PTPRT: variants seen among roughly 807,000 people sequenced by gnomAD.
The protein encoded by PTPRT is protein tyrosine phosphatase receptor type T, also known as receptor-type tyrosine-protein phosphatase T.
Under a neutral mutation model 176.8 loss-of-function variants are expected in PTPRT, and 56 were observed. The ratio of observed to expected loss-of-function variants is 0.32; its 90% CI spans 0.26 to 0.40. The LOEUF is 0.40. Ranked by LOEUF, PTPRT falls within the 10% of genes least tolerant of loss-of-function variation. The probability of loss-of-function intolerance (pLI) is 1.00; values close to 1 mark genes in which losing one functional copy is unlikely to be tolerated. For synonymous variants in PTPRT, 783 were observed against 739.0 expected, an observed-to-expected ratio of 1.06 and a Z score of -0.96; for missense variants, 1,540 against 1,908.2, an observed-to-expected ratio of 0.81 and a Z score of 3.60.
intron 2 of PTPRT, among the ~76,000 whole-genome samples, chr20:42,816,842 T>A (rs2077795210): frequency 6.6e-6 from 1 of 152,120 alleles, no homozygotes; most frequent in African/African-American, 2.4e-5. Flanking sequence ...AATGAGCTAA[T>A]ACACTAACCA....
At chr20:43,188,722 C>T (rs2015456338) in intron 1 of PTPRT, among the ~76,000 whole-genome samples, 1 of 146,022 alleles carries the variant, frequency 6.8e-6, no homozygotes, top group Non-Finnish European at 1.5e-5. Context: ...CTGCAGCACT[C>T]CCTTCTCTTC....
chr20:42,394,260 G>A (rs1297370934), intron 9 of PTPRT, among the ~76,000 whole-genome samples: 2 of 151,980 alleles, frequency 1.3e-5, no homozygotes, highest in Admixed American at 6.6e-5. Flanking sequence ...CCATCTCAAG[G>A]TTTATTCCAC....
At chr20:42,052,482 C>G in the PTPRT span, among the ~76,000 whole-genome samples, 1 of 152,192 alleles carries the variant, frequency 6.6e-6, no homozygotes, top group Non-Finnish European at 1.5e-5. Context: ...GTGGCCCCCC[C>G]ACACCCCGCA....
intron 1 of PTPRT, among the ~76,000 whole-genome samples, chr20:43,132,564 A>G (rs2013676686): frequency 6.6e-6 from 1 of 152,196 alleles, no homozygotes; most frequent in African/African-American, 2.4e-5. Flanking sequence ...AACCTTGACA[A>G]TATGACTCCA....
chr20:42,579,795 C>T (rs1029159279), intron 7 of PTPRT, among the ~76,000 whole-genome samples: 5 of 152,022 alleles, frequency 3.3e-5, no homozygotes, highest in Admixed American at 2.0e-4. Context: ...TGTAAATTCT[C>T]GATATTAGCC....
intron 8 of PTPRT, among the ~76,000 whole-genome samples, chr20:42,464,803 C>T (rs1342445665): frequency 8.6e-5 from 13 of 152,038 alleles, no homozygotes; most frequent in Admixed American, 7.9e-4. Context: ...TCCCTTTTCC[C>T]GGTTTTACAT....
chr20:42,170,046 C>A (rs1399322671), intron 16 of PTPRT, among the ~76,000 whole-genome samples: 2 of 152,172 alleles, frequency 1.3e-5, no homozygotes, highest in African/African-American at 4.8e-5. Flanking sequence ...CTAAGAAGGA[C>A]AATCCAGTGG....
chr20:42,739,976 C>T (rs1176832439), intron 6 of PTPRT, among the ~76,000 whole-genome samples: 1 of 152,198 alleles, frequency 6.6e-6, no homozygotes, highest in African/African-American at 2.4e-5. Flanking sequence ...GGTTCACACA[C>T]TCTGGCTAAA....
At chr20:42,393,824 G>T (rs1308657174) in intron 9 of PTPRT, among the ~76,000 whole-genome samples, 1 of 152,130 alleles carries the variant, frequency 6.6e-6, no homozygotes, top group Non-Finnish European at 1.5e-5. Flanking sequence ...GCGATATTTA[G>T]GAATGTATAG....
chr20:42,832,893 G>A lies in PTPRT; in HGVS notation c.215-41427C>T, dbSNP rs181942757. Among the ~76,000 whole-genome samples, 14 of 150,376 alleles carry A rather than the reference G, an allele frequency of 9.3e-5. No individual in the cohort carries two copies. In the East Asian group the frequency reaches 1.4e-3, roughly 15 times the overall value. On this transcript the variant is annotated intron_variant, in intron 2 of 30. Transcript: ENST00000373187. ...CAGAGGTGGGAGGATTGTTTGAGCC[G>A]AGGAGTTTGAGATCAGCCTGGGCAA...
chr20:42,554,714 G>A (rs1209615671), intron 7 of PTPRT, among the ~76,000 whole-genome samples: 7 of 152,178 alleles, frequency 4.6e-5, no homozygotes, highest in African/African-American at 1.7e-4. Context: ...ATCATTGGAA[G>A]TGGTACATTT....
intron 12 of PTPRT, among the ~76,000 whole-genome samples, chr20:42,304,427 T>C (rs570659643): frequency 3.9e-5 from 6 of 152,284 alleles, no homozygotes; most frequent in Middle Eastern, 6.8e-3. Context: ...AGCCCCGTGA[T>C]AAGTGTTTTA....
At chr20:42,804,411 T>A (rs2077575202) in intron 2 of PTPRT, among the ~76,000 whole-genome samples, 1 of 152,116 alleles carries the variant, frequency 6.6e-6, no homozygotes, top group Admixed American at 6.5e-5. Context: ...AGTCAAGTGG[T>A]CTCTGCACTC....
At chr20:43,107,604 G>A (rs1396614282) in intron 1 of PTPRT, among the ~76,000 whole-genome samples, 2 of 152,208 alleles carry the variant, frequency 1.3e-5, no homozygotes, top group Non-Finnish European at 2.9e-5. Context: ...AGTCAGCCAC[G>A]TTAACAGGCA....
At chr20:42,161,579 T>A in intron 16 of PTPRT, 37 bp from the exon 17 acceptor site, 1 of 1,550,312 alleles carries the variant, frequency 6.5e-7, no homozygotes. Context: ...TCATCACCTA[T>A]AGAAGCTTTG....
chr20:43,050,626 C>A (rs1046386794), intron 1 of PTPRT, among the ~76,000 whole-genome samples: 1 of 152,236 alleles, frequency 6.6e-6, no homozygotes, highest in African/African-American at 2.4e-5. Flanking sequence ...CTGGGTCTAC[C>A]TCTTCACAGA....
chr20:42,088,281 G>C (rs1984226806), intron 27 of PTPRT, among the ~76,000 whole-genome samples: 1 of 152,192 alleles, frequency 6.6e-6, no homozygotes, highest in Non-Finnish European at 1.5e-5. Context: ...CTCAGCGGGG[G>C]TCTGGTTCAG....
At position 42,480,304 on chromosome 20, in the gene PTPRT, T is replaced by C. The variant is rs62204932; in HGVS notation, c.1154-7742A>G. Among the ~76,000 whole-genome samples the C allele has an allele frequency of 7.8e-3, 1,193 of 152,292 alleles. 11 individuals carry two copies. Among genetic ancestry groups the C allele is most frequent in the Middle Eastern group, 0.014 (4 of 294 alleles). ...TTCCAGAGCCTTGGATGGTACTAAATACAGTTGCACTCCCTCAAACCCAGA... is the reference window on the plus strand; with the variant it reads ...TTCCAGAGCCTTGGATGGTACTAAACACAGTTGCACTCCCTCAAACCCAGA... On this transcript the variant is annotated intron_variant, in intron 7 of 30. Coordinates refer to ENST00000373187, the MANE Select transcript of PTPRT (RefSeq NM_007050.6).
the PTPRT span, among the ~76,000 whole-genome samples, chr20:42,059,341 A>G: frequency 6.6e-6 from 1 of 152,182 alleles, no homozygotes; most frequent in African/African-American, 2.4e-5. Flanking sequence ...GGTATGTGTA[A>G]GCATGTCTGG....
Sources: gnomAD v4.1 joint callset for allele counts (sites outside exome capture counted in the v4.1 genomes callset) on GRCh38, gnomAD v4.1.1 for gene constraint, MANE v1.5 for transcripts, NCBI Gene and HGNC (gene_info 2026-07-23, HGNC 2026-07-21) for gene names.